The following DRC11 variants were observed in gnomAD, a reference collection of about 807,000 sequenced individuals.
DRC11 encodes the protein dynein regulatory complex subunit 11, also known as IQ and AAA domain-containing protein 1.
chr2:236,436,602 T>G, the DRC11 span, among the ~76,000 whole-genome samples: 1 of 152,272 alleles, frequency 6.6e-6, no homozygotes, highest in East Asian at 1.9e-4. Flanking sequence ...CTTCCCCATT[T>G]ATTTGGAATG....
chr2:236,372,843 C>T, the DRC11 span, among the ~76,000 whole-genome samples: 2 of 152,218 alleles, frequency 1.3e-5, no homozygotes, highest in African/African-American at 4.8e-5. The surrounding 1 kb of genome is among the most constrained non-coding windows in gnomAD (Gnocchi z 4.5). Context: ...AATACTTGGT[C>T]TCAAGAGATC....
At chr2:236,331,085 T>C in the DRC11 span, among the ~76,000 whole-genome samples, 2 of 152,196 alleles carry the variant, frequency 1.3e-5, no homozygotes, top group Non-Finnish European at 2.9e-5. The surrounding 1 kb of genome is among the most constrained non-coding windows in gnomAD (Gnocchi z 4.8). Flanking sequence ...AATAAGTATA[T>C]GTGTCTATGT....
chr2:236,493,970 T>C, the DRC11 span: 3 of 1,211,448 alleles, frequency 2.5e-6, no homozygotes, highest in Admixed American at 6.7e-5. Flanking sequence ...AGTAAGGACG[T>C]GCACATCAAA....
At chr2:236,364,008 T>C in the DRC11 span, 1 of 1,586,622 alleles carries the variant, frequency 6.3e-7, no homozygotes, top group Non-Finnish European at 8.6e-7. Context: ...AAGGTGCTAA[T>C]GTTCTGCCAA....
the DRC11 span, among the ~76,000 whole-genome samples, chr2:236,365,040 T>C: frequency 6.6e-6 from 1 of 152,092 alleles, no homozygotes; most frequent in African/African-American, 2.4e-5. The surrounding 1 kb of genome is among the most constrained non-coding windows in gnomAD (Gnocchi z 7.4). Context: ...AGACTCTTTT[T>C]CCACAACAGG....
the DRC11 span, chr2:236,344,527 G>C: frequency 1.9e-6 from 3 of 1,555,008 alleles, no homozygotes; most frequent in Non-Finnish European, 2.7e-6. Flanking sequence ...GGAAAGAAAA[G>C]GCAAAAGTAA....
At chr2:236,401,136 C>A in the DRC11 span, among the ~76,000 whole-genome samples, 2 of 152,262 alleles carry the variant, frequency 1.3e-5, no homozygotes, top group Middle Eastern at 3.4e-3. This position sits in a 1 kb window ranked among gnomAD's most constrained non-coding sequence, Gnocchi z 4.6. Flanking sequence ...CACACAACCC[C>A]CACAGGTGTG....
chr2:236,409,081 G>A, the DRC11 span: 16 of 510,516 alleles, frequency 3.1e-5, no homozygotes, highest in Non-Finnish European at 3.9e-5. Flanking sequence ...GAGACATCAC[G>A]CCATCACATC....
chr2:236,497,353 T>G, the DRC11 span: 1 of 1,613,984 alleles, frequency 6.2e-7, no homozygotes, highest in Non-Finnish European at 8.5e-7. This position sits in a 1 kb window ranked among gnomAD's most constrained non-coding sequence, Gnocchi z 5.1. Flanking sequence ...GATCTGCACA[T>G]ACTTTACGTA....
the DRC11 span, among the ~76,000 whole-genome samples, chr2:236,421,459 G>C: frequency 6.8e-6 from 1 of 146,420 alleles, no homozygotes; most frequent in Non-Finnish European, 1.5e-5. Flanking sequence ...AGAAAATCTA[G>C]AAGAAATGGA....
chr2:236,351,797 G>A, the DRC11 span, among the ~76,000 whole-genome samples: 781 of 152,082 alleles, frequency 5.1e-3, 10 homozygotes, highest in African/African-American at 0.018. The surrounding 1 kb of genome is among the most constrained non-coding windows in gnomAD (Gnocchi z 7.3). Context: ...GGGCAGGACT[G>A]GCCAGCCTCA....
At chr2:236,360,624 T>G in the DRC11 span, among the ~76,000 whole-genome samples, 1 of 152,176 alleles carries the variant, frequency 6.6e-6, no homozygotes, top group Non-Finnish European at 1.5e-5. The surrounding 1 kb of genome is among the most constrained non-coding windows in gnomAD (Gnocchi z 5.8). Context: ...GGCTTCAAAT[T>G]CCAGCTCACC....
the DRC11 span, among the ~76,000 whole-genome samples, chr2:236,477,988 C>CTTT: frequency 2.7e-5 from 4 of 148,348 alleles, no homozygotes; most frequent in East Asian, 3.9e-4. Context: ...AAAAACTCAA[C>CTTT]TTTTCGTTTT....
At chr2:236,359,307 CATT>C in the DRC11 span, among the ~76,000 whole-genome samples, 1 of 152,134 alleles carries the variant, frequency 6.6e-6, no homozygotes, top group Non-Finnish European at 1.5e-5. This position sits in a 1 kb window ranked among gnomAD's most constrained non-coding sequence, Gnocchi z 4.3. Context: ...ACCCCTCACT[CATT>C]ATTCTATTAG....
chr2:236,412,654 C>T, the DRC11 span: 1 of 152,296 alleles, frequency 6.6e-6, no homozygotes, highest in Non-Finnish European at 1.5e-5. Flanking sequence ...CTGTTTCTTC[C>T]ACACGCTGTC....
the DRC11 span, among the ~76,000 whole-genome samples, chr2:236,464,741 G>T: frequency 6.6e-6 from 1 of 152,118 alleles, no homozygotes; most frequent in South Asian, 2.1e-4. Context: ...GGTCATGGGG[G>T]TGGATCCCTC....
chr2:236,491,526 G>A, the DRC11 span, among the ~76,000 whole-genome samples: 1 of 152,000 alleles, frequency 6.6e-6, no homozygotes, highest in Non-Finnish European at 1.5e-5. Context: ...AAATGGCAAA[G>A]AGGAATTTTT....
the DRC11 span, among the ~76,000 whole-genome samples, chr2:236,463,987 G>A: frequency 1.3e-5 from 2 of 152,228 alleles, no homozygotes; most frequent in Non-Finnish European, 2.9e-5. The surrounding 1 kb of genome is among the most constrained non-coding windows in gnomAD (Gnocchi z 5.0). Flanking sequence ...CTCACTGGCT[G>A]TTGCCTGGGA....
At chr2:236,491,740 C>T in the DRC11 span, among the ~76,000 whole-genome samples, 1 of 152,014 alleles carries the variant, frequency 6.6e-6, no homozygotes, top group African/African-American at 2.4e-5. Context: ...TAGTTGACCC[C>T]CAAGTAAGTT....
Sources: allele counts gnomAD v4.1 joint callset (sites outside exome capture counted in the v4.1 genomes callset), GRCh38; gene constraint gnomAD v4.1.1; non-coding constraint Gnocchi (gnomAD v3.1); transcripts MANE v1.5; gene names NCBI Gene and HGNC (gene_info 2026-07-23, HGNC 2026-07-21).